Variants in PEBP4 observed in about 807,000 individuals in gnomAD.
PEBP4 encodes phosphatidylethanolamine binding protein 4.
Under a neutral mutation model 23.9 loss-of-function variants are expected in PEBP4, and 22 were observed. The observed-to-expected ratio is 0.92, with a 90% CI of 0.66 to 1.31. The LOEUF (loss-of-function observed/expected upper bound fraction) is 1.31, where lower values mean the gene tolerates loss of function less well. PEBP4 is among the 40% of genes most tolerant of loss of function. PEBP4 has a pLI of 0.00. For synonymous variants in PEBP4, 112 were observed against 99.3 expected (o/e 1.13, Z -0.76); for missense variants, 324 against 281.7 (o/e 1.15, Z -1.07).
chr8:22,762,595 T>C (rs1035155189), intron 4 of PEBP4, among the ~76,000 whole-genome samples: 1 of 152,178 alleles, frequency 6.6e-6, no homozygotes, highest in South Asian at 2.1e-4. Flanking sequence ...ACCCATCTGG[T>C]TTCTTCTCGG....
chr8:22,922,862 A>G (rs1338018538), intron 2 of PEBP4, among the ~76,000 whole-genome samples: 1 of 152,204 alleles, frequency 6.6e-6, no homozygotes, highest in African/African-American at 2.4e-5. Flanking sequence ...TCTCCTTGAC[A>G]AGACTTGAAG....
chr8:22,922,624 AGCTAC>A (rs1809233250), intron 2 of PEBP4, among the ~76,000 whole-genome samples: 1 of 151,186 alleles, frequency 6.6e-6, no homozygotes, highest in Non-Finnish European at 1.5e-5. Context: ...CTGTGTTCCC[AGCTAC>A]TTGGGAGGAT....
intron 3 of PEBP4, among the ~76,000 whole-genome samples, chr8:22,839,851 C>T (rs1340012777): frequency 1.3e-5 from 2 of 152,050 alleles, no homozygotes; most frequent in Admixed American, 6.6e-5. Context: ...TTTACCCCCT[C>T]GCCCAAACCC....
intron 6 of PEBP4, among the ~76,000 whole-genome samples, chr8:22,714,189 C>T (rs938332942): frequency 1.1e-4 from 16 of 152,304 alleles, no homozygotes; most frequent in African/African-American, 3.8e-4. Flanking sequence ...AGGGGTTCCT[C>T]CTCAGGGGGA....
intron 3 of PEBP4, among the ~76,000 whole-genome samples, chr8:22,918,934 T>TGTGCACAC (rs1223617592): frequency 2.6e-5 from 4 of 151,622 alleles, no homozygotes; most frequent in Non-Finnish European, 5.9e-5. Context: ...TGTGTGCACA[T>TGTGCACAC]GTGCACACAT....
At chr8:22,927,279 G>A (rs1809360974) in intron 2 of PEBP4, among the ~76,000 whole-genome samples, 1 of 152,120 alleles carries the variant, frequency 6.6e-6, no homozygotes, top group South Asian at 2.1e-4. Context: ...CTCTCTCTGA[G>A]GGTCTCAGCC....
chr8:22,878,232 G>GGGGGAGAGGGAT (rs1420862588), intron 3 of PEBP4: 1 of 151,436 alleles, frequency 6.6e-6, no homozygotes, highest in East Asian at 1.9e-4. Context: ...GGGAGAGGGA[G>GGGGGAGAGGGAT]GGAGGGAGGG....
chr8:22,745,279 TG>T (rs1471133629), intron 4 of PEBP4, among the ~76,000 whole-genome samples: 3 of 152,096 alleles, frequency 2.0e-5, no homozygotes, highest in Non-Finnish European at 4.4e-5. Flanking sequence ...TGCACTGTGG[TG>T]GGGAGGTGTC....
At chr8:22,817,853 T>A in intron 3 of PEBP4, 118 bp from the exon 4 acceptor site, 1 of 838,404 alleles carries the variant, frequency 1.2e-6, no homozygotes, top group Non-Finnish European at 2.0e-6. Flanking sequence ...CCCTATGGCG[T>A]CCCATCCAGT....
At chr8:22,771,504 A>C (rs1235017140) in intron 4 of PEBP4, among the ~76,000 whole-genome samples, 1 of 152,220 alleles carries the variant, frequency 6.6e-6, no homozygotes, top group Non-Finnish European at 1.5e-5. Flanking sequence ...AGAAAAAAAA[A>C]GAAAATTTGT....
At chr8:22,870,942 T>C (rs2128770468) in intron 3 of PEBP4, among the ~76,000 whole-genome samples, 1 of 152,220 alleles carries the variant, frequency 6.6e-6, no homozygotes, top group African/African-American at 2.4e-5. Flanking sequence ...TGGCCATTGA[T>C]GAAGGTGGAA....
intron 4 of PEBP4, chr8:22,754,918 T>G (rs186860450): frequency 6.6e-6 from 1 of 152,404 alleles, no homozygotes; most frequent in East Asian, 1.9e-4. Context: ...ATGGGAGGGC[T>G]GGACTGAGAC....
intron 3 of PEBP4, among the ~76,000 whole-genome samples, chr8:22,901,431 C>G (rs1808707839): frequency 6.6e-6 from 1 of 152,160 alleles, no homozygotes; most frequent in Non-Finnish European, 1.5e-5. Context: ...CTTGGAACTA[C>G]CTAGGATCGG....
chr8:22,904,288 G>C (rs1350197983), intron 3 of PEBP4, among the ~76,000 whole-genome samples: 2 of 152,208 alleles, frequency 1.3e-5, no homozygotes, highest in African/African-American at 4.8e-5. Context: ...GGCTGAGGGA[G>C]CTTCTTCGTG....
chr8:22,774,703 A>C (rs1209428005), intron 4 of PEBP4, among the ~76,000 whole-genome samples: 3 of 152,176 alleles, frequency 2.0e-5, no homozygotes, highest in Admixed American at 2.0e-4. Context: ...GGAGGTGCAG[A>C]CAGGGAGCCG....
chr8:22,926,120 T>C (rs1809324197), intron 2 of PEBP4, among the ~76,000 whole-genome samples: 1 of 151,826 alleles, frequency 6.6e-6, no homozygotes, highest in East Asian at 1.9e-4. Context: ...GGATTACAGG[T>C]GTGCGCCACC....
intron 3 of PEBP4, among the ~76,000 whole-genome samples, chr8:22,882,845 A>G (rs966463435): frequency 6.6e-6 from 1 of 152,054 alleles, no homozygotes; most frequent in African/African-American, 2.4e-5. Context: ...TGGGTACTAG[A>G]CCACTAGGAA....
intron 3 of PEBP4, among the ~76,000 whole-genome samples, chr8:22,905,740 A>C (rs1460732517): frequency 1.3e-5 from 2 of 152,210 alleles, no homozygotes. Context: ...CTCCCACCTC[A>C]CAGGTCTCAG....
At chr8:22,771,816 C>T (rs542839378) in intron 4 of PEBP4, among the ~76,000 whole-genome samples, 29 of 152,346 alleles carry the variant, frequency 1.9e-4, no homozygotes, top group African/African-American at 6.7e-4. Flanking sequence ...AAGTTACCAC[C>T]CTTTCCCTAG....
Sources: gnomAD v4.1 joint callset for allele counts (sites outside exome capture counted in the v4.1 genomes callset) on GRCh38, gnomAD v4.1.1 for gene constraint, MANE v1.5 for transcripts, NCBI Gene and HGNC (gene_info 2026-07-23, HGNC 2026-07-21) for gene names.